Variants in AUH observed in about 807,000 individuals in gnomAD.
AUH encodes methylglutaconyl-CoA hydratase, mitochondrial.
AUH carries 29 observed loss-of-function variants against 42.3 expected under a neutral mutation model. The observed-to-expected ratio is 0.69, with a 90% CI of 0.51 to 0.93. The LOEUF (loss-of-function observed/expected upper bound fraction) is 0.93, where lower values mean the gene tolerates loss of function less well. Ranked by LOEUF, AUH falls within the 40% of genes least tolerant of loss-of-function variation. The pLI, the probability that AUH is intolerant of heterozygous loss-of-function variation, is 0.00. For synonymous variants in AUH, 174 were observed against 166.4 expected, an observed-to-expected ratio of 1.05 and a Z score of -0.35; for missense variants, 452 against 438.1, an observed-to-expected ratio of 1.03 and a Z score of -0.28.
At chr9:91,246,682 CAAAACACTTGTTT>C (rs946328404) in intron 6 of AUH, among the ~76,000 whole-genome samples, 2 of 152,152 alleles carry the variant, frequency 1.3e-5, no homozygotes, top group Non-Finnish European at 2.9e-5. Context: ...ACGCCAAAGG[CAAAACACTTGTTT>C]AAAGGTGGTA....
chr9:91,347,365 C>T (rs533311832), intron 3 of AUH, among the ~76,000 whole-genome samples: 10 of 152,050 alleles, frequency 6.6e-5, no homozygotes, highest in Admixed American at 6.6e-5. Flanking sequence ...CTCTGAACCC[C>T]GCTGTTTAAG....
At chr9:91,265,742 T>C (rs770027914) in intron 6 of AUH, among the ~76,000 whole-genome samples, 3 of 152,220 alleles carry the variant, frequency 2.0e-5, no homozygotes, top group Admixed American at 1.3e-4. Context: ...CTTAGTTTTC[T>C]GAATTTCGTC....
chr9:91,293,999 T>C (rs138316080), intron 6 of AUH, among the ~76,000 whole-genome samples: 1 of 152,344 alleles, frequency 6.6e-6, no homozygotes, highest in African/African-American at 2.4e-5. Flanking sequence ...TTATGCTTTA[T>C]AAATGGAACA....
At position 91,214,321 on chromosome 9, in the gene AUH, T is replaced by C. The variant is rs1291943545; in HGVS notation, c.*27A>G. 19 of 1,568,842 alleles carry C rather than the reference T, an allele frequency of 1.2e-5. No individual in the cohort carries two copies. The highest frequency in any genetic ancestry group is 3.4e-5 in the Admixed American group (2 of 58,864). Reference sequence around the variant, plus strand: ...ACTTCCAGGAAGTACATTTATTACATTGGCATCTTAAGAATTTCTGTTCCT... The same window carrying C: ...ACTTCCAGGAAGTACATTTATTACACTGGCATCTTAAGAATTTCTGTTCCT... On this transcript the variant is annotated 3_prime_UTR_variant, in exon 10 of 10. Coordinates refer to ENST00000375731, the MANE Select transcript of AUH (RefSeq NM_001698.3).
intron 6 of AUH, among the ~76,000 whole-genome samples, chr9:91,241,889 T>A (rs1191064392): frequency 6.6e-6 from 1 of 152,238 alleles, no homozygotes; most frequent in Non-Finnish European, 1.5e-5. Context: ...TGTAGTCTGT[T>A]TAAGAAAGAA....
At chr9:91,227,210 T>C (rs1035679819) in intron 6 of AUH, among the ~76,000 whole-genome samples, 17 of 151,388 alleles carry the variant, frequency 1.1e-4, no homozygotes, top group Non-Finnish European at 1.6e-4. Context: ...CATTTGTTTG[T>C]GTCCTCGTTT....
intron 4 of AUH, among the ~76,000 whole-genome samples, chr9:91,320,324 A>T (rs1481435922): frequency 6.6e-6 from 1 of 152,210 alleles, no homozygotes; most frequent in Non-Finnish European, 1.5e-5. Flanking sequence ...CTTGTGGATG[A>T]ACTGCAACCT....
chr9:91,355,153 C>T lies in AUH; in HGVS notation c.418+730G>A, dbSNP rs1046377927. Among the ~76,000 whole-genome samples, 8 of 152,208 alleles carry T rather than the reference C, an allele frequency of 5.3e-5. No individual in the cohort carries two copies. In the East Asian group the frequency reaches 1.5e-3, roughly 29 times the overall value. On this transcript the variant is annotated intron_variant, in intron 3 of 9. Transcript: ENST00000375731. ...AAATGTATTAAGGAGGCAATAAAAC[C>T]TTATCAAAAGCCAAAATACACTGCA...
chr9:91,347,347 G>A (rs79996728), intron 3 of AUH, among the ~76,000 whole-genome samples: 4,983 of 152,222 alleles, frequency 0.033, 115 homozygotes, highest in Admixed American at 0.055. Context: ...ATGAGCCACC[G>A]TGCCTGGCTC....
At chr9:91,309,747 G>A (rs902129179) in intron 4 of AUH, among the ~76,000 whole-genome samples, 3 of 152,136 alleles carry the variant, frequency 2.0e-5, no homozygotes, top group African/African-American at 7.2e-5. Flanking sequence ...TTCACTAGGA[G>A]CCCAAACTCA....
At position 91,260,008 on chromosome 9, in the gene AUH, GTTGAT is replaced by G. The variant is rs920839511; in HGVS notation, c.655+36008_655+36012del. ...AATTATGTAATCTCCAACCAAAACA[GTTGAT>G]TTATTTATTTTTCCTTTTATTTCTG... On this transcript the variant is annotated intron_variant, in intron 6 of 9. Transcript: ENST00000375731. Among the ~76,000 whole-genome samples, 7 of 152,064 alleles carry G rather than the reference GTTGAT, an allele frequency of 4.6e-5. No homozygotes were observed. In the East Asian group the frequency reaches 5.8e-4, roughly 13 times the overall value.
At chr9:91,246,710 C>A (rs1224283834) in intron 6 of AUH, among the ~76,000 whole-genome samples, 1 of 152,186 alleles carries the variant, frequency 6.6e-6, no homozygotes, top group East Asian at 1.9e-4. Flanking sequence ...GTGGTATATG[C>A]ACACAATGAA....
chr9:91,220,668 T>C, intron 7 of AUH, 137 bp downstream of exon 7: 1 of 841,618 alleles, frequency 1.2e-6, no homozygotes, highest in Non-Finnish European at 1.8e-6. Flanking sequence ...ACTGCTCTAG[T>C]TTTACAGAGC....
intron 6 of AUH, among the ~76,000 whole-genome samples, chr9:91,254,209 G>C (rs986256455): frequency 1.3e-5 from 2 of 152,156 alleles, no homozygotes; most frequent in East Asian, 1.9e-4. Flanking sequence ...TGGTTGACTT[G>C]AATTTCCCAG....
rs181327211 is a variant in AUH, at chr9:91,361,708, G to T, written c.182C>A (p.Pro61His). 8.7e-4 allele frequency: 1,357 copies of T among 1,555,180 alleles called. 12 individuals carry two copies. In the African/African-American group the frequency reaches 0.017, roughly 19 times the overall value. The change falls in exon 1 of 10, where the codon CCC (proline) becomes CAC (histidine). Residue 61 changes from proline to histidine, a missense_variant. Physicochemically the swap from Pro to His is moderately conservative, Grantham distance 77 (BLOSUM62 -2). Transcript: ENST00000375731. ...AGAGCTGTAGCCCCTTTTCGGGGCG[G>T]GACCCCCGGCCGCAGGTACCCAGCC... is the stretch of plus-strand genomic sequence containing the variant. ...AQGWVPAAGG[P>H]APKRGYSSEM...
chr9:91,263,656 T>C (rs1829817928), intron 6 of AUH, among the ~76,000 whole-genome samples: 1 of 152,204 alleles, frequency 6.6e-6, no homozygotes, highest in African/African-American at 2.4e-5. Flanking sequence ...TGTTTCCACA[T>C]TCCCTCCCTA....
At chr9:91,334,716 T>C (rs927751011) in intron 3 of AUH, among the ~76,000 whole-genome samples, 1 of 152,212 alleles carries the variant, frequency 6.6e-6, no homozygotes, top group African/African-American at 2.4e-5. Flanking sequence ...AATGGTAATT[T>C]TAAGTTGCAT....
intron 6 of AUH, among the ~76,000 whole-genome samples, chr9:91,248,292 C>T (rs754277213): frequency 7.9e-5 from 12 of 152,120 alleles, no homozygotes; most frequent in Non-Finnish European, 1.6e-4. Context: ...TTGCATGAGG[C>T]TTTATTTTTC....
chr9:91,275,339 T>C (rs1825457558), intron 6 of AUH, among the ~76,000 whole-genome samples: 1 of 152,186 alleles, frequency 6.6e-6, no homozygotes, highest in African/African-American at 2.4e-5. Context: ...CTCAATCTCT[T>C]TTTGAAACAC....
Sources: allele counts gnomAD v4.1 joint callset (sites outside exome capture counted in the v4.1 genomes callset), GRCh38; gene constraint gnomAD v4.1.1; transcripts MANE v1.5; gene names NCBI Gene and HGNC (gene_info 2026-07-23, HGNC 2026-07-21).